PRKG1: variants seen among roughly 807,000 people sequenced by gnomAD.
PRKG1 encodes the protein protein kinase cGMP-dependent 1.
In PRKG1, 35 loss-of-function variants were observed where a neutral mutation model predicts 88.1. The observed-to-expected ratio is 0.40, with a 90% CI of 0.30 to 0.53. PRKG1 has a LOEUF of 0.53. PRKG1 is among the 20% of genes least tolerant of loss of function. The pLI, the probability that PRKG1 is intolerant of heterozygous loss-of-function variation, is 0.59. For missense variants in PRKG1, 540 were observed against 839.8 expected (o/e 0.64, Z 4.41); for synonymous variants, 303 against 292.5 (o/e 1.04, Z -0.37).
intron 5 of PRKG1, 108 bp downstream of exon 5, chr10:51,907,678 A>C: frequency 1.0e-6 from 1 of 1,004,840 alleles, no homozygotes; most frequent in Non-Finnish European, 1.5e-6. Context: ...ATCTTTAAAA[A>C]ATTTCTAAGC....
chr10:51,387,633 T>C (rs996618133), intron 2 of PRKG1, among the ~76,000 whole-genome samples: 4 of 152,094 alleles, frequency 2.6e-5, no homozygotes, highest in Non-Finnish European at 5.9e-5. Flanking sequence ...ATATGACAAA[T>C]ATTCGAAAGG....
chr10:52,024,258 T>C (rs1845267440), intron 5 of PRKG1, among the ~76,000 whole-genome samples: 2 of 152,116 alleles, frequency 1.3e-5, no homozygotes. Flanking sequence ...TTAACTTTCT[T>C]CACAGAATTG....
intron 2 of PRKG1, among the ~76,000 whole-genome samples, chr10:51,193,890 G>A (rs1042595733): frequency 5.9e-5 from 9 of 152,120 alleles, no homozygotes; most frequent in Non-Finnish European, 5.9e-5. Context: ...TGCGAAGGAG[G>A]ACATAAATTG....
chr10:51,341,239 A>G (rs1396432254), intron 2 of PRKG1, among the ~76,000 whole-genome samples: 2 of 152,272 alleles, frequency 1.3e-5, no homozygotes, highest in East Asian at 3.9e-4. Flanking sequence ...TCTGTGAATA[A>G]TTTTCTTAAA....
intron 3 of PRKG1, among the ~76,000 whole-genome samples, chr10:51,593,900 T>A (rs1300998023): frequency 6.6e-6 from 1 of 152,102 alleles, no homozygotes; most frequent in East Asian, 1.9e-4. Context: ...AATTTTTGTA[T>A]TTTTAGTAGA....
intron 3 of PRKG1, among the ~76,000 whole-genome samples, chr10:51,779,991 G>T (rs957315982): frequency 2.0e-5 from 3 of 152,124 alleles, no homozygotes; most frequent in Non-Finnish European, 4.4e-5. Flanking sequence ...GAGGGCTAAA[G>T]TGAGCCTGGT....
intron 5 of PRKG1, among the ~76,000 whole-genome samples, chr10:52,026,043 A>T (rs1346120346): frequency 6.6e-6 from 1 of 151,874 alleles, no homozygotes; most frequent in Admixed American, 6.6e-5. Flanking sequence ...TCTGTGACAA[A>T]CCTGACAAAA....
chr10:51,750,122 G>C (rs1438656195), intron 3 of PRKG1, among the ~76,000 whole-genome samples: 1 of 151,892 alleles, frequency 6.6e-6, no homozygotes, highest in Non-Finnish European at 1.5e-5. Flanking sequence ...TTTTAGTAGA[G>C]ACAGGGTTTC....
chr10:51,348,893 A>G (rs771797269), intron 2 of PRKG1, among the ~76,000 whole-genome samples: 1 of 151,706 alleles, frequency 6.6e-6, no homozygotes. Flanking sequence ...TTTTTTCCCT[A>G]TGTGATACCA....
intron 5 of PRKG1, among the ~76,000 whole-genome samples, chr10:51,941,763 T>G (rs1182281047): frequency 6.6e-6 from 1 of 151,924 alleles, no homozygotes; most frequent in Non-Finnish European, 1.5e-5. Flanking sequence ...TTCATCCATG[T>G]CCCTACAAAG....
intron 4 of PRKG1, among the ~76,000 whole-genome samples, chr10:51,820,895 C>A (rs1052759487): frequency 2.0e-5 from 3 of 152,104 alleles, no homozygotes; most frequent in African/African-American, 7.2e-5. Context: ...ATACACAAAT[C>A]TTGAAAGTAC....
chr10:52,200,680 G>A (rs756391131), intron 9 of PRKG1, among the ~76,000 whole-genome samples: 4 of 152,120 alleles, frequency 2.6e-5, no homozygotes, highest in East Asian at 1.9e-4. Flanking sequence ...CACTAGCAGC[G>A]TGTAAGTGTT....
intron 17 of PRKG1, among the ~76,000 whole-genome samples, chr10:52,292,154 G>T (rs1210314843): frequency 6.6e-6 from 1 of 151,468 alleles, no homozygotes; most frequent in Admixed American, 6.6e-5. Context: ...TGTAGATTCT[G>T]GATATTAGCC....
intron 5 of PRKG1, chr10:51,910,548 T>A (rs1056186187): frequency 6.6e-6 from 1 of 152,058 alleles, no homozygotes; most frequent in Non-Finnish European, 1.5e-5. Context: ...GAGCCTTGAG[T>A]CAGGAAGCTG....
chr10:51,648,833 T>G (rs1464448092), intron 3 of PRKG1, among the ~76,000 whole-genome samples: 1 of 152,172 alleles, frequency 6.6e-6, no homozygotes, highest in Non-Finnish European at 1.5e-5. Flanking sequence ...ATTAACTATG[T>G]CACATGGAGG....
At chr10:51,863,311 C>T (rs184919574) in intron 4 of PRKG1, among the ~76,000 whole-genome samples, 2 of 152,310 alleles carry the variant, frequency 1.3e-5, no homozygotes, top group East Asian at 3.9e-4. Context: ...GATTCTTAAG[C>T]AATCTCTATC....
intron 1 of PRKG1, among the ~76,000 whole-genome samples, chr10:51,058,286 C>G (rs946084670): frequency 6.6e-6 from 1 of 152,102 alleles, no homozygotes; most frequent in Non-Finnish European, 1.5e-5. Flanking sequence ...TCTTTCCCTA[C>G]TTTGTAGTTT....
At chr10:51,824,497 G>C (rs1368751578) in intron 4 of PRKG1, among the ~76,000 whole-genome samples, 2 of 152,052 alleles carry the variant, frequency 1.3e-5, no homozygotes, top group Non-Finnish European at 2.9e-5. Context: ...GTGGATTAAT[G>C]TCTAACACAC....
At chr10:51,753,264 A>T (rs927276671) in intron 3 of PRKG1, among the ~76,000 whole-genome samples, 1 of 152,142 alleles carries the variant, frequency 6.6e-6, no homozygotes, top group African/African-American at 2.4e-5. Context: ...ATATCATGAA[A>T]TTTTGATCCT....
Sources: gnomAD v4.1 joint callset for allele counts (sites outside exome capture counted in the v4.1 genomes callset) on GRCh38, gnomAD v4.1.1 for gene constraint, MANE v1.5 for transcripts, NCBI Gene and HGNC (gene_info 2026-07-23, HGNC 2026-07-21) for gene names.